Variants in LSAMP observed in about 807,000 individuals in gnomAD.
LSAMP encodes the protein limbic system associated membrane protein.
LSAMP carries 7 observed loss-of-function variants against 38.6 expected under a neutral mutation model. The observed-to-expected ratio is 0.18, with a 90% CI of 0.10 to 0.34. The LOEUF (loss-of-function observed/expected upper bound fraction) is 0.34. LSAMP is among the 10% of genes least tolerant of loss of function. The pLI, the probability that LSAMP is intolerant of heterozygous loss-of-function variation, is 1.00. For synonymous variants in LSAMP, 154 were observed against 166.8 expected (o/e 0.92, Z 0.59); for missense variants, 313 against 420.0 (o/e 0.75, Z 2.23).
intron 1 of LSAMP, among the ~76,000 whole-genome samples, chr3:116,234,601 G>A (rs1342024142): frequency 6.6e-6 from 1 of 152,032 alleles, no homozygotes; most frequent in African/African-American, 2.4e-5. Flanking sequence ...AGTACTGACA[G>A]AGTAGTTTCA....
chr3:115,864,560 A>C (rs905218392), intron 3 of LSAMP, among the ~76,000 whole-genome samples: 1 of 152,192 alleles, frequency 6.6e-6, no homozygotes, highest in African/African-American at 2.4e-5. Flanking sequence ...CTTACAGGAA[A>C]GGGGAAAAGT....
chr3:116,060,500 C>A lies in LSAMP; in HGVS notation c.388+25824G>T, dbSNP rs576648740. ...ATTTGTCTGGGTGCCGTGGCTCACG[C>A]CTGTAATCCCAACACTTTGGGAGGC... On this transcript the variant is annotated intron_variant, in intron 2 of 6. Transcript: ENST00000490035. Among the ~76,000 whole-genome samples the A allele has an allele frequency of 3.1e-4, 47 of 152,316 alleles. 1 individual carries two copies. In the South Asian group the frequency reaches 9.1e-3, roughly 30 times the overall value.
At chr3:116,083,175 G>A (rs927147594) in intron 2 of LSAMP, among the ~76,000 whole-genome samples, 1 of 152,104 alleles carries the variant, frequency 6.6e-6, no homozygotes, top group Non-Finnish European at 1.5e-5. Flanking sequence ...GAGTGAAAGC[G>A]TCTGTTAGAT....
At position 116,359,051 on chromosome 3, in the gene LSAMP, GAA is replaced by G. The variant is rs550683453; in HGVS notation, c.155+85824_155+85825del. Among the ~76,000 whole-genome samples, 94 of 152,186 alleles carry G rather than the reference GAA, an allele frequency of 6.2e-4. 1 individual carries two copies. The highest frequency in any genetic ancestry group is 2.3e-3 in the African/African-American group (94 of 41,536). ...TACACTAAACCTAGTTTCTACGAAA[GAA>G]AAGTTTTCTTGATTTGACCTTTCTA... On this transcript the variant is annotated intron_variant, in intron 1 of 6. Transcript: ENST00000490035.
At chr3:116,295,681 TA>T (rs2047321803) in intron 1 of LSAMP, among the ~76,000 whole-genome samples, 1 of 152,198 alleles carries the variant, frequency 6.6e-6, no homozygotes, top group South Asian at 2.1e-4. Flanking sequence ...ACAGAGGAGA[TA>T]TCTGTCTTTG....
chr3:116,189,169 T>G (rs1710695402), intron 1 of LSAMP, among the ~76,000 whole-genome samples: 1 of 152,154 alleles, frequency 6.6e-6, no homozygotes, highest in Non-Finnish European at 1.5e-5. Flanking sequence ...ATATGGTCAT[T>G]GAAGGCCACT....
chr3:116,308,129 C>T (rs2047508564), intron 1 of LSAMP, among the ~76,000 whole-genome samples: 1 of 151,900 alleles, frequency 6.6e-6, no homozygotes, highest in African/African-American at 2.4e-5. Flanking sequence ...ACCTTTCCCC[C>T]TACCATCTTT....
chr3:116,181,170 T>C (rs1318065095), intron 1 of LSAMP, among the ~76,000 whole-genome samples: 2 of 152,072 alleles, frequency 1.3e-5, no homozygotes, highest in Non-Finnish European at 2.9e-5. Context: ...TGTTTGCTCA[T>C]TTGGTCAATC....
chr3:115,867,704 C>T (rs1450367744), intron 3 of LSAMP, among the ~76,000 whole-genome samples: 1 of 152,136 alleles, frequency 6.6e-6, no homozygotes, highest in Non-Finnish European at 1.5e-5. Context: ...CTAAAGTAAT[C>T]TCACAGATGC....
chr3:115,870,192 A>G (rs1448924014), intron 3 of LSAMP, among the ~76,000 whole-genome samples: 1 of 152,096 alleles, frequency 6.6e-6, no homozygotes, highest in Non-Finnish European at 1.5e-5. Context: ...CAGAGACCCT[A>G]TGGCCCACAA....
intron 3 of LSAMP, among the ~76,000 whole-genome samples, chr3:116,007,620 C>A (rs760495645): frequency 6.6e-6 from 1 of 151,776 alleles, no homozygotes; most frequent in Non-Finnish European, 1.5e-5. Context: ...GAAATTCTAA[C>A]CAAACAAATG....
intron 2 of LSAMP, among the ~76,000 whole-genome samples, chr3:116,048,762 T>C (rs538629029): frequency 2.0e-5 from 3 of 152,314 alleles, no homozygotes; most frequent in African/African-American, 7.2e-5. Context: ...TGAGGTATAA[T>C]GAGATGATAT....
At chr3:116,428,656 A>G (rs938819506) in intron 1 of LSAMP, among the ~76,000 whole-genome samples, 1 of 152,126 alleles carries the variant, frequency 6.6e-6, no homozygotes, top group Non-Finnish European at 1.5e-5. Context: ...CTAATCCTGG[A>G]GCTCCCCAGG....
At chr3:116,348,632 T>C (rs1022654117) in intron 1 of LSAMP, among the ~76,000 whole-genome samples, 2 of 152,130 alleles carry the variant, frequency 1.3e-5, no homozygotes, top group African/African-American at 4.8e-5. Context: ...CAGACATTTT[T>C]TACCTGTAAA....
chr3:116,208,811 G>C (rs373206898), intron 1 of LSAMP, among the ~76,000 whole-genome samples: 2 of 152,312 alleles, frequency 1.3e-5, no homozygotes, highest in East Asian at 3.9e-4. Flanking sequence ...AGAGCTGTCA[G>C]ACAGGGACAT....
chr3:116,330,534 A>C (rs866764707), intron 1 of LSAMP, among the ~76,000 whole-genome samples: 24 of 152,016 alleles, frequency 1.6e-4, no homozygotes, highest in African/African-American at 4.6e-4. Flanking sequence ...AGAGGACTTA[A>C]AGGACCAGCA....
intron 3 of LSAMP, among the ~76,000 whole-genome samples, chr3:115,909,015 T>A (rs1937077034): frequency 1.3e-5 from 2 of 152,216 alleles, no homozygotes; most frequent in African/African-American, 2.4e-5. Context: ...TGGCTTTTTC[T>A]CAAAGTCTCA....
At chr3:116,085,398 C>T (rs956762116) in intron 2 of LSAMP, among the ~76,000 whole-genome samples, 1 of 152,166 alleles carries the variant, frequency 6.6e-6, no homozygotes, top group Non-Finnish European at 1.5e-5. Flanking sequence ...TACAGTTAAA[C>T]TTTTCCACAC....
chr3:116,012,009 G>C (rs1940341926), intron 3 of LSAMP, among the ~76,000 whole-genome samples: 2 of 152,238 alleles, frequency 1.3e-5, no homozygotes, highest in South Asian at 4.2e-4. Flanking sequence ...AAACAACATT[G>C]GAAAGTCCAT....
Sources: gnomAD v4.1 joint callset for allele counts (sites outside exome capture counted in the v4.1 genomes callset) on GRCh38, gnomAD v4.1.1 for gene constraint, MANE v1.5 for transcripts, NCBI Gene and HGNC (gene_info 2026-07-23, HGNC 2026-07-21) for gene names.